STAB2: variants seen among roughly 807,000 people sequenced by gnomAD.
STAB2 encodes stabilin-2.
In STAB2, 288 loss-of-function variants were observed where a neutral mutation model predicts 338.1. The observed-to-expected ratio is 0.85, with a 90% CI of 0.77 to 0.94. The LOEUF (loss-of-function observed/expected upper bound fraction) is 0.94. STAB2 is among the 40% of genes least tolerant of loss of function. The probability of loss-of-function intolerance (pLI) is 0.00; values close to 1 mark genes in which losing one functional copy is unlikely to be tolerated. For synonymous variants in STAB2, 1,202 were observed against 1,193.3 expected, an observed-to-expected ratio of 1.01 and a Z score of -0.15; for missense variants, 3,141 against 3,210.1, an observed-to-expected ratio of 0.98 and a Z score of 0.52.
At chr12:103,710,285 A>G (rs1331717761) in intron 39 of STAB2, among the ~76,000 whole-genome samples, 1 of 152,196 alleles carries the variant, frequency 6.6e-6, no homozygotes, top group Admixed American at 6.5e-5. Flanking sequence ...TTCCAGACTT[A>G]TCTCCCATCC....
At chr12:103,611,058 T>C (rs1407972580) in intron 3 of STAB2, among the ~76,000 whole-genome samples, 2 of 152,312 alleles carry the variant, frequency 1.3e-5, no homozygotes, top group East Asian at 3.9e-4. Context: ...AGAGACAGTT[T>C]GTTATAATTT....
chr12:103,614,093 T>C (rs1332601941), intron 3 of STAB2, among the ~76,000 whole-genome samples: 1 of 152,220 alleles, frequency 6.6e-6, no homozygotes, highest in Non-Finnish European at 1.5e-5. Context: ...ATATATGTGA[T>C]CTCTGGGTTG....
intron 6 of STAB2, among the ~76,000 whole-genome samples, chr12:103,636,364 A>T (rs1324852479): frequency 6.6e-6 from 1 of 151,570 alleles, no homozygotes; most frequent in Non-Finnish European, 1.5e-5. Flanking sequence ...TCATGATTTT[A>T]ATTGTTCATA....
At chr12:103,686,745 G>A (rs914987348) in intron 27 of STAB2, among the ~76,000 whole-genome samples, 3 of 152,042 alleles carry the variant, frequency 2.0e-5, no homozygotes, top group South Asian at 4.1e-4. Context: ...CACATACCTC[G>A]GCCTCTGAAA....
At chr12:103,645,196 A>G (rs10861067) in intron 9 of STAB2, among the ~76,000 whole-genome samples, 39,456 of 152,068 alleles carry the variant, frequency 0.26, 5,264 homozygotes, top group South Asian at 0.39. Flanking sequence ...AGACAGCAAG[A>G]GACATTTACT....
intron 54 of STAB2, 72 bp downstream of exon 54, chr12:103,739,540 T>C: frequency 2.2e-6 from 1 of 452,346 alleles, no homozygotes; most frequent in Non-Finnish European, 3.5e-6. Context: ...TGTGTGTGTG[T>C]GTGTGTGTGT....
intron 18 of STAB2, among the ~76,000 whole-genome samples, chr12:103,664,866 T>G (rs998801333): frequency 1.3e-5 from 2 of 152,180 alleles, no homozygotes; most frequent in African/African-American, 4.8e-5. Flanking sequence ...AACCCCTTTT[T>G]TAAGAGAGGC....
chr12:103,594,940 A>G (rs1956853842), intron 3 of STAB2, among the ~76,000 whole-genome samples: 1 of 152,194 alleles, frequency 6.6e-6, no homozygotes, highest in Non-Finnish European at 1.5e-5. Flanking sequence ...AGGATGGAAT[A>G]TCAAACTTTC....
chr12:103,624,306 G>T (rs141404248), intron 5 of STAB2, among the ~76,000 whole-genome samples: 1 of 152,310 alleles, frequency 6.6e-6, no homozygotes, highest in Non-Finnish European at 1.5e-5. Context: ...GAGTGAGTGA[G>T]TATATGACTA....
chr12:103,662,037 T>A (rs973322799), intron 17 of STAB2, among the ~76,000 whole-genome samples: 1 of 152,044 alleles, frequency 6.6e-6, no homozygotes, highest in Admixed American at 6.6e-5. Flanking sequence ...GGTGAGGAGA[T>A]TTGATTGCAA....
intron 44 of STAB2, among the ~76,000 whole-genome samples, chr12:103,723,208 G>A (rs1880906459): frequency 1.3e-5 from 2 of 152,206 alleles, no homozygotes; most frequent in African/African-American, 4.8e-5. Flanking sequence ...TTTTCACGCT[G>A]CTGATAAAGA....
At position 103,677,354 on chromosome 12, in the gene STAB2, G is replaced by C; in HGVS notation, c.2647-99G>C. The C allele has an allele frequency of 2.1e-6, 3 of 1,449,428 alleles. No homozygotes were observed. In the South Asian group the frequency reaches 4.2e-5, roughly 20 times the overall value. 89.8% of individuals were successfully genotyped at this position (1,449,428 alleles called of 1,614,324 possible). A position where few individuals can be genotyped will look rare whatever the true frequency, so the allele number is the denominator to read the frequency against. ...TTTCCACCTCACTCAATGCAAATCT[G>C]TGTTTCTGGAACATATGTCTGGAAA... On this transcript the variant is annotated intron_variant, in intron 24 of 68. Coordinates refer to ENST00000388887, the MANE Select transcript of STAB2 (RefSeq NM_017564.10).
intron 34 of STAB2, among the ~76,000 whole-genome samples, chr12:103,700,525 T>G (rs1310049831): frequency 1.3e-5 from 2 of 152,252 alleles, no homozygotes; most frequent in African/African-American, 4.8e-5. Context: ...AATATTTTTC[T>G]CAGACTCCTA....
At chr12:103,680,777 G>C (rs1433089512) in intron 25 of STAB2, among the ~76,000 whole-genome samples, 2 of 152,268 alleles carry the variant, frequency 1.3e-5, no homozygotes, top group African/African-American at 2.4e-5. Context: ...GAGAGGGGGA[G>C]TGATGGTGTC....
rs983264376 is a variant in STAB2, at chr12:103,660,434, T to C, written c.1788+50T>C. ...ACTTTCTCTCTGCTTCCAAGATAGC[T>C]AACTTAGTCTTGAATTCCAATATTT... On this transcript the variant is annotated intron_variant, in intron 16 of 68. Transcript: ENST00000388887. 6 of 1,593,532 alleles carry C rather than the reference T, an allele frequency of 3.8e-6. 1 individual carries two copies. The highest frequency in any genetic ancestry group is 5.2e-6 in the Non-Finnish European group (6 of 1,161,276).
At chr12:103,632,298 A>C (rs911412396) in intron 6 of STAB2, among the ~76,000 whole-genome samples, 4 of 152,260 alleles carry the variant, frequency 2.6e-5, no homozygotes, top group African/African-American at 9.6e-5. Flanking sequence ...ATAGGAGAGC[A>C]GCTGTAAAAA....
chr12:103,608,462 G>A (rs546187366), intron 3 of STAB2, among the ~76,000 whole-genome samples: 52 of 152,260 alleles, frequency 3.4e-4, no homozygotes, highest in African/African-American at 1.2e-3. Context: ...ATTTTTTCAT[G>A]TGTCTTTTGG....
At chr12:103,705,532 T>C (rs931362354) in intron 36 of STAB2, 100 bp from the exon 37 acceptor site, 10 of 909,376 alleles carry the variant, frequency 1.1e-5, no homozygotes, top group Non-Finnish European at 1.8e-5. Context: ...CACAACACTT[T>C]AGTCAGAGAG....
chr12:103,649,962 C>T (rs553462543), intron 10 of STAB2, among the ~76,000 whole-genome samples: 16 of 152,268 alleles, frequency 1.1e-4, no homozygotes, highest in African/African-American at 3.1e-4. Context: ...CCTGTCCTGT[C>T]GTCCCAGCTT....
Sources: gnomAD v4.1 joint callset for allele counts (sites outside exome capture counted in the v4.1 genomes callset) on GRCh38, gnomAD v4.1.1 for gene constraint, MANE v1.5 for transcripts, NCBI Gene and HGNC (gene_info 2026-07-23, HGNC 2026-07-21) for gene names.